Variants in NLRP5 observed in about 807,000 individuals in gnomAD.
The protein encoded by NLRP5 is NACHT, LRR and PYD domains-containing protein 5.
In NLRP5, 93 loss-of-function variants were observed where a neutral mutation model predicts 113.1. That is an observed-to-expected ratio of 0.82 (90% confidence interval 0.70 to 0.98). The LOEUF is 0.98. NLRP5 is among the 50% of genes least tolerant of loss of function. The pLI is 0.00. For synonymous variants in NLRP5, 751 were observed against 600.7 expected, an observed-to-expected ratio of 1.25 and a Z score of -3.66; for missense variants, 1,808 against 1,514.3, an observed-to-expected ratio of 1.19 and a Z score of -3.22.
At chr19:56,029,863 TG>T in intron 7 of NLRP5, among the ~76,000 whole-genome samples, 1 of 151,352 alleles carries the variant, frequency 6.6e-6, no homozygotes. Flanking sequence ...GAGACCAGCC[TG>T]GCCAACATAG....
intron 13 of NLRP5, among the ~76,000 whole-genome samples, chr19:56,055,767 A>G (rs8101585): frequency 0.09 from 13,653 of 151,042 alleles, 769 homozygotes; most frequent in African/African-American, 0.16. Context: ...GGATGGTCTC[A>G]ATCTCCTGAC....
chr19:56,032,602 C>G lies in NLRP5; in HGVS notation c.2277-9C>G, dbSNP rs765184328. On this transcript the variant is annotated splice_polypyrimidine_tract_variant and intron_variant, in intron 7 of 14. Transcript: ENST00000390649. ...CCATGAGCCCATGTTTCTATCCCCC[C>G]TGACATAGGATGCGGGATAAGACCC... is the stretch of plus-strand genomic sequence containing the variant. The G allele has an allele frequency of 6.2e-7, 1 of 1,608,958 alleles. No homozygotes were observed. The highest frequency in any genetic ancestry group is 1.1e-5 in the South Asian group (1 of 90,292).
Position 56,053,641 on chromosome 19 carries a change from G to C in NLRP5, c.3132G>C (p.Leu1044Phe). 2 of 1,612,918 alleles carry C rather than the reference G, an allele frequency of 1.2e-6. No homozygotes were observed. Among genetic ancestry groups the C allele is most frequent in the East Asian group, 2.2e-5 (1 of 44,836 alleles). The change falls in exon 13 of 15, where the codon TTG (leucine) becomes TTC (phenylalanine). Residue 1044 changes from leucine (L) to phenylalanine (F), a missense_variant. Transcript: ENST00000390649. ...CTCTATTCCCCGCCTCTTGCAGGTT[G>C]GTAAAGTGTCATCTCACCGCCGCGT...
rs1282345076 is a variant in NLRP5 at position 56,038,209 on chromosome 19, C to A, written c.2786+14C>A. On this transcript the variant is annotated intron_variant, in intron 10 of 14. Transcript: ENST00000390649. ...GCAGAAGCTGATGTGAGTGCCACTT[C>A]CTTTCCACCAGGATTATCGTAACTT... 2 of 1,611,626 alleles carry A rather than the reference C, an allele frequency of 1.2e-6. No individual in the cohort carries two copies. Among genetic ancestry groups the A allele is most frequent in the African/African-American group, 2.7e-5 (2 of 74,846 alleles).
chr19:56,039,385 G>C (rs116398841), intron 10 of NLRP5, among the ~76,000 whole-genome samples: 2,763 of 152,240 alleles, frequency 0.018, 81 homozygotes, highest in African/African-American at 0.063. Flanking sequence ...TCCCATTCTG[G>C]ACAGCACAGC....
At chr19:56,049,581 G>A (rs1029545160) in intron 11 of NLRP5, among the ~76,000 whole-genome samples, 2 of 152,098 alleles carry the variant, frequency 1.3e-5, no homozygotes, top group Admixed American at 1.3e-4. Context: ...GTGCTGCTGG[G>A]ATTACAGGTG....
chr19:55,987,721 T>G, the NLRP5 span: 1 of 900,514 alleles, frequency 1.1e-6, no homozygotes, highest in Non-Finnish European at 1.8e-6. Flanking sequence ...GTACGGTCTG[T>G]AGAAAAAGCA....
intron 3 of NLRP5, among the ~76,000 whole-genome samples, chr19:56,009,464 G>C (rs974091795): frequency 1.3e-5 from 2 of 151,398 alleles, no homozygotes; most frequent in African/African-American, 4.9e-5. Context: ...CAATAACCCA[G>C]TAGGAGGCTT....
chr19:56,046,575 C>T (rs1983735551), intron 11 of NLRP5, among the ~76,000 whole-genome samples: 1 of 151,954 alleles, frequency 6.6e-6, no homozygotes, highest in South Asian at 2.1e-4. Context: ...GAGTCTCACT[C>T]TGTCGCCCAG....
intron 6 of NLRP5, among the ~76,000 whole-genome samples, chr19:56,023,574 T>C (rs542427359): frequency 1.3e-5 from 2 of 152,192 alleles, no homozygotes; most frequent in East Asian, 1.9e-4. Context: ...TCGTGTTAGA[T>C]ATTATAAGTA....
upstream of NLRP5, among the ~76,000 whole-genome samples, chr19:55,998,656 A>ATGTG (rs1451449123): frequency 1.0e-4 from 3 of 29,598 alleles, no homozygotes; most frequent in Non-Finnish European, 1.7e-4. Context: ...TCGTCTCAAA[A>ATGTG]TATGTGTGTG....
In NLRP5 at chr19:56,037,936, G is replaced by T. The variant is rs966259168; in HGVS notation, c.2616-89G>T. On this transcript the variant is annotated intron_variant, in intron 9 of 14. Coordinates refer to ENST00000390649, the MANE Select transcript of NLRP5 (RefSeq NM_153447.4). ...GACAGAGTTCGAGGACCAGGAAAAC[G>T]GCCAGCGCTGCTGGCGTGTGCTGAG... The T allele has an allele frequency of 2.9e-6, 4 of 1,362,148 alleles. No individual in the cohort carries two copies. In the Admixed American group the frequency reaches 8.1e-5, roughly 28 times the overall value. 84.4% of individuals were successfully genotyped at this position (1,362,148 alleles called of 1,614,324 possible).
upstream of NLRP5, among the ~76,000 whole-genome samples, chr19:55,999,335 C>T (rs1981526767): frequency 6.6e-6 from 1 of 151,446 alleles, no homozygotes. Flanking sequence ...CTGCCTCAGC[C>T]TCCCGAGTAG....
rs571141761 is a variant in NLRP5, at chr19:56,017,563, A to T, written c.565+1765A>T. ...TGTGGCTTCACTTCCATATATTTGG[A>T]AATTTTCAAATTTTCTGACTGATTT... On this transcript the variant is annotated intron_variant, in intron 4 of 14. Coordinates refer to ENST00000390649, the MANE Select transcript of NLRP5 (RefSeq NM_153447.4). Among the ~76,000 whole-genome samples the T allele has an allele frequency of 3.3e-5, 5 of 152,256 alleles. No individual in the cohort carries two copies. The East Asian group carries it at 9.6e-4, about 29-fold the overall frequency.
Position 55,999,781 on chromosome 19 carries a change from C to A in NLRP5, c.56C>A (p.Pro19Gln). The A allele has an allele frequency of 6.2e-7, 1 of 1,613,156 alleles. No homozygotes were observed. Among genetic ancestry groups the A allele is most frequent in the East Asian group, 2.2e-5 (1 of 44,874 alleles). The change falls in exon 1 of 15, where the codon CCA becomes CAA. Residue 19 changes from proline (P) to glutamine (Q), a missense_variant. Coordinates refer to ENST00000390649, the MANE Select transcript of NLRP5 (RefSeq NM_153447.4). ...GCTGCTGCTCTGCTCTCAGCATCACCACGTGCGTCGACAGCCTCTTAGAGT... is the reference window on the plus strand; with the variant it reads ...GCTGCTGCTCTGCTCTCAGCATCACAACGTGCGTCGACAGCCTCTTAGAGT...
chr19:56,052,401 T>C (rs1983965728), intron 12 of NLRP5, among the ~76,000 whole-genome samples: 1 of 152,142 alleles, frequency 6.6e-6, no homozygotes, highest in African/African-American at 2.4e-5. Context: ...CCCGAGAAGC[T>C]GGGATTACAG....
At chr19:56,038,305 G>A (rs1983395530) in intron 10 of NLRP5, 110 bp downstream of exon 10, 3 of 1,223,400 alleles carry the variant, frequency 2.5e-6, no homozygotes, top group Non-Finnish European at 3.5e-6. Flanking sequence ...TACAAACCAG[G>A]GGTGAGGAAG....
chr19:55,987,524 A>T, the NLRP5 span, among the ~76,000 whole-genome samples: 1 of 152,176 alleles, frequency 6.6e-6, no homozygotes, highest in South Asian at 2.1e-4. Context: ...AATGCCATAC[A>T]ATTCTGACGG....
rs532126797 is a variant in NLRP5 at position 56,041,035 on chromosome 19, G to C, written c.2900G>C (p.Gly967Ala). ...TCCAACAACAGCCTGGGGAACGAAG[G>C]TGTAAATCTACTGTGTCGATCCATG... Residue 967 changes from glycine (G) to alanine (A), a missense_variant, in exon 11 of 15, where the codon GGT (glycine) becomes GCT (alanine). Transcript: ENST00000390649. 1.2e-6 allele frequency: 2 copies of C among 1,613,994 alleles called. No individual in the cohort carries two copies. The highest frequency in any genetic ancestry group is 1.7e-6 in the Non-Finnish European group (2 of 1,179,876).
Sources: gnomAD v4.1 joint callset for allele counts (sites outside exome capture counted in the v4.1 genomes callset) on GRCh38, gnomAD v4.1.1 for gene constraint, MANE v1.5 for transcripts, NCBI Gene and HGNC (gene_info 2026-07-23, HGNC 2026-07-21) for gene names.